NUP153: variants seen among roughly 807,000 people sequenced by gnomAD.
NUP153 encodes the protein nucleoporin 153.
Under a neutral mutation model 134.6 loss-of-function variants are expected in NUP153, and 27 were observed. The ratio of observed to expected loss-of-function variants is 0.20; its 90% CI spans 0.15 to 0.28. NUP153 has a LOEUF of 0.28. NUP153 is among the 10% of genes least tolerant of loss of function. The pLI is 1.00. For missense variants in NUP153, 1,821 were observed against 1,731.3 expected, an observed-to-expected ratio of 1.05 and a Z score of -0.92; for synonymous variants, 640 against 623.5, an observed-to-expected ratio of 1.03 and a Z score of -0.40.
In NUP153 at chr6:17,675,693, A is replaced by G; in HGVS notation, c.412T>C (p.Phe138Leu). The G allele has an allele frequency of 6.2e-7, 1 of 1,614,180 alleles. No homozygotes were observed. Among genetic ancestry groups the G allele is most frequent in the Non-Finnish European group, 8.5e-7 (1 of 1,180,022 alleles). Residue 138 changes from phenylalanine to leucine, a missense_variant, in exon 3 of 22, where the codon TTT (phenylalanine) becomes CTT (leucine). Coordinates refer to ENST00000262077, the MANE Select transcript of NUP153 (RefSeq NM_005124.4). This position sits in a 1 kb window ranked among gnomAD's most constrained non-coding sequence, Gnocchi z 4.4. ...AATGCAGGGGATTCCAACATGGAAA[A>G]ATTCAGATGGCTCCGATGAAGAGAA... is the stretch of plus-strand genomic sequence containing the variant. The part of the protein sequence containing the change: ...RPSLHRSHLN[F>L]SMLESPALHC...
Position 17,657,865 on chromosome 6 carries a change from T to G in NUP153, c.1395+3788A>C, listed in dbSNP as rs191890439. ...GAATACATTCTTAAATGTGGTTACA[T>G]TATACATCATTTTAATGCAAATTTC... is the stretch of plus-strand genomic sequence containing the variant. On this transcript the variant is annotated intron_variant, in intron 11 of 21. Coordinates refer to ENST00000262077, the MANE Select transcript of NUP153 (RefSeq NM_005124.4). Among the ~76,000 whole-genome samples, 11 of 152,372 alleles carry G rather than the reference T, an allele frequency of 7.2e-5. No homozygotes were observed. In the East Asian group the frequency reaches 2.1e-3, roughly 29 times the overall value.
intron 2 of NUP153, among the ~76,000 whole-genome samples, chr6:17,686,428 C>T (rs1453936363): frequency 2.0e-5 from 3 of 150,360 alleles, no homozygotes; most frequent in Non-Finnish European, 4.4e-5. Context: ...GACGGAGTCT[C>T]GCTGTCGCCC....
At chr6:17,689,920 T>C (rs1372588464) in intron 1 of NUP153, among the ~76,000 whole-genome samples, 2 of 152,340 alleles carry the variant, frequency 1.3e-5, no homozygotes, top group Admixed American at 1.3e-4. Context: ...CTAGACACTA[T>C]TCTAAGCAAT....
intron 2 of NUP153, among the ~76,000 whole-genome samples, chr6:17,687,702 C>T (rs748708095): frequency 6.6e-6 from 1 of 151,828 alleles, no homozygotes; most frequent in African/African-American, 2.4e-5. Context: ...CATAGGGCTA[C>T]AAAAAGTTTT....
At chr6:17,635,459 T>C (rs1270761999) in intron 16 of NUP153, among the ~76,000 whole-genome samples, 1 of 152,122 alleles carries the variant, frequency 6.6e-6, no homozygotes, top group Non-Finnish European at 1.5e-5. Context: ...TGAAGCGCAG[T>C]AGCATGATCT....
intron 5 of NUP153, among the ~76,000 whole-genome samples, chr6:17,673,989 C>T (rs1372239036): frequency 6.6e-6 from 1 of 152,200 alleles, no homozygotes; most frequent in Non-Finnish European, 1.5e-5. Context: ...ACTAACCATA[C>T]TACTCAGCAA....
rs1218062739 is a variant in NUP153, at chr6:17,669,382, A to G, written c.970-45T>C. ...AACAAAATTAAGATTTTTCAATAAT[A>G]TCAAGTTTTGTTACACTCCTGTATT... On this transcript the variant is annotated intron_variant, in intron 6 of 21. Coordinates refer to ENST00000262077, the MANE Select transcript of NUP153 (RefSeq NM_005124.4). 4 of 1,598,010 alleles carry G rather than the reference A, an allele frequency of 2.5e-6. No homozygotes were observed. In the East Asian group the frequency reaches 8.9e-5, roughly 36 times the overall value.
chr6:17,660,503 A>G (rs1767112177), intron 11 of NUP153, among the ~76,000 whole-genome samples: 1 of 151,968 alleles, frequency 6.6e-6, no homozygotes, highest in Admixed American at 6.6e-5. Context: ...ATCTTTTCCA[A>G]ACATTTATGG....
chr6:17,668,378 C>A (rs1350551490), intron 8 of NUP153, among the ~76,000 whole-genome samples: 1 of 151,944 alleles, frequency 6.6e-6, no homozygotes, highest in African/African-American at 2.4e-5. Flanking sequence ...CCGCACCTGG[C>A]CGATCACTCC....
chr6:17,633,924 C>CA (rs1201746624), intron 16 of NUP153, among the ~76,000 whole-genome samples: 1 of 151,712 alleles, frequency 6.6e-6, no homozygotes, highest in East Asian at 1.9e-4. Flanking sequence ...TTTAAATCCC[C>CA]AAAAAACAGT....
intron 14 of NUP153, among the ~76,000 whole-genome samples, chr6:17,642,803 G>C (rs140998716): frequency 6.6e-6 from 1 of 152,112 alleles, no homozygotes; most frequent in Non-Finnish European, 1.5e-5. Flanking sequence ...ATTAATGGAT[G>C]AACAAAAATA....
At chr6:17,698,847 T>G (rs1769847187) in intron 1 of NUP153, among the ~76,000 whole-genome samples, 1 of 150,558 alleles carries the variant, frequency 6.6e-6, no homozygotes, top group South Asian at 2.1e-4. Flanking sequence ...CACTCCAGCC[T>G]GGGCAACAGA....
At chr6:17,627,564 C>G (rs1310122878) in intron 18 of NUP153, among the ~76,000 whole-genome samples, 2 of 152,178 alleles carry the variant, frequency 1.3e-5, no homozygotes, top group Admixed American at 1.3e-4. Flanking sequence ...GGGCCAATCT[C>G]TGCTCACTGC....
intron 1 of NUP153, among the ~76,000 whole-genome samples, chr6:17,695,692 C>T (rs143647331): frequency 1.3e-5 from 2 of 152,168 alleles, no homozygotes; most frequent in East Asian, 3.9e-4. Context: ...GAAATATGCA[C>T]AGTATTGGAA....
intron 11 of NUP153, among the ~76,000 whole-genome samples, chr6:17,657,138 T>C (rs543031683): frequency 1.3e-5 from 2 of 152,166 alleles, no homozygotes; most frequent in Non-Finnish European, 2.9e-5. Flanking sequence ...GGTTGATTAT[T>C]TATAGCTTAG....
intron 9 of NUP153, among the ~76,000 whole-genome samples, chr6:17,664,164 T>C (rs1767370112): frequency 6.6e-6 from 1 of 152,078 alleles, no homozygotes; most frequent in South Asian, 2.1e-4. Flanking sequence ...ACGACGTGAA[T>C]GAACCTTGAA....
intron 20 of NUP153, among the ~76,000 whole-genome samples, chr6:17,623,357 CAAAAAAAAAAAA>C (rs11326447): frequency 1.2e-5 from 1 of 81,958 alleles, no homozygotes; most frequent in African/African-American, 4.7e-5. Flanking sequence ...GAAAAATGGC[CAAAAAAAAAAAA>C]AAAAAAACCT....
rs201847917 is a variant in NUP153, at chr6:17,668,375, T to C, written c.1068+600A>G. 2.6e-5 allele frequency among the ~76,000 whole-genome samples: 4 copies of C among 152,038 alleles called. No homozygotes were observed. The East Asian group carries it at 5.8e-4, about 22-fold the overall frequency. ...GATTACAGGCGTAAGCCACCGCACC[T>C]GGCCGATCACTCCTATTTTTATTTA... On this transcript the variant is annotated intron_variant, in intron 8 of 21. Coordinates refer to ENST00000262077, the MANE Select transcript of NUP153 (RefSeq NM_005124.4).
In NUP153 at chr6:17,645,230, G is replaced by A. The variant is rs138037804; in HGVS notation, c.1720+837C>T. Among the ~76,000 whole-genome samples, 851 of 146,030 alleles carry A rather than the reference G, an allele frequency of 5.8e-3. 3 individuals carry two copies. Among genetic ancestry groups the A allele is most frequent in the African/African-American group, 0.02 (779 of 39,238 alleles). On this transcript the variant is annotated intron_variant, in intron 14 of 21. Coordinates refer to ENST00000262077, the MANE Select transcript of NUP153 (RefSeq NM_005124.4). ...TGCACTCCAGCCTGGGCAACAGAGC[G>A]AGACTCTGTCTCAAAAAAAAAAAAA... is the stretch of plus-strand genomic sequence containing the variant.
Sources: gnomAD v4.1 joint callset for allele counts (sites outside exome capture counted in the v4.1 genomes callset) on GRCh38, gnomAD v4.1.1 for gene constraint, Gnocchi (gnomAD v3.1) non-coding constraint, MANE v1.5 for transcripts, NCBI Gene and HGNC (gene_info 2026-07-23, HGNC 2026-07-21) for gene names.